FOXP2: variants seen among roughly 807,000 people sequenced by gnomAD.
FOXP2 encodes forkhead box P2.
Under a neutral mutation model 115.8 loss-of-function variants are expected in FOXP2, and 12 were observed. The observed-to-expected ratio is 0.10, with a 90% CI of 0.07 to 0.17. The LOEUF is 0.17. Among genes scored for constraint, FOXP2 ranks in the 10% least tolerant of loss-of-function variants. FOXP2 has a pLI of 1.00. For synonymous variants in FOXP2, 328 were observed against 297.7 expected (o/e 1.10, Z -1.05); for missense variants, 629 against 843.5 (o/e 0.75, Z 3.15).
At chr7:114,505,251 G>A (rs17137058) in intron 2 of FOXP2, among the ~76,000 whole-genome samples, 3,670 of 151,562 alleles carry the variant, frequency 0.024, 145 homozygotes, top group African/African-American at 0.083. Context: ...TAATGTAGGA[G>A]CACTCATTCT....
intron 1 of FOXP2, among the ~76,000 whole-genome samples, chr7:114,140,194 C>T (rs1792167047): frequency 6.6e-6 from 1 of 152,078 alleles, no homozygotes; most frequent in South Asian, 2.1e-4. Context: ...TTTCTTCCAC[C>T]TAGAAATAGT....
At chr7:114,445,504 T>C (rs1794794708) in intron 2 of FOXP2, among the ~76,000 whole-genome samples, 1 of 152,142 alleles carries the variant, frequency 6.6e-6, no homozygotes, top group Non-Finnish European at 1.5e-5. Flanking sequence ...GGATTTTATT[T>C]AAAATCAAAG....
At chr7:114,627,923 C>A (rs1446135559) in intron 3 of FOXP2, among the ~76,000 whole-genome samples, 1 of 151,818 alleles carries the variant, frequency 6.6e-6, no homozygotes, top group Non-Finnish European at 1.5e-5. Flanking sequence ...TGGATATACA[C>A]ACAGACACAC....
rs1371750320 is a variant in FOXP2 at position 114,570,691 on chromosome 7, G to A, written c.258+35985G>A. On this transcript the variant is annotated intron_variant, in intron 3 of 16. Transcript: ENST00000350908. ...ATGATGGAATATTCTTCCCTATTTT[G>A]ACCTACCAAGATAATAATTCCAAAA... The A allele has an allele frequency of 3.9e-6, 3 of 767,284 alleles. No individual in the cohort carries two copies. The African/African-American group carries it at 5.2e-5, about 13-fold the overall frequency. The allele number at this position is 767,284 out of a possible 1,614,324, so 47.5% of individuals were successfully genotyped here. A position where few individuals can be genotyped will look rare whatever the true frequency, so the allele number is the denominator to read the frequency against.
At chr7:114,349,373 G>A (rs760282966) in intron 2 of FOXP2, among the ~76,000 whole-genome samples, 6 of 152,012 alleles carry the variant, frequency 3.9e-5, no homozygotes, top group Non-Finnish European at 7.4e-5. Flanking sequence ...TTAGAGATGA[G>A]GAAGATGAGG....
chr7:114,180,978 C>A lies in FOXP2; in HGVS notation c.-102+17890C>A, dbSNP rs113059337. Among the ~76,000 whole-genome samples the A allele has an allele frequency of 9.6e-3, 1,456 of 151,924 alleles. 32 individuals carry two copies. The highest frequency in any genetic ancestry group is 0.033 in the African/African-American group (1,384 of 41,474). On this transcript the variant is annotated intron_variant, in intron 1 of 17. Transcript: ENST00000634411. ...AATTTTGCTGTTGTTTCCCTTTAAA[C>A]ATAGGGTAAAATCAAAATAACTCTT...
At chr7:114,245,041 C>T (rs1002438394) in intron 1 of FOXP2, among the ~76,000 whole-genome samples, 2 of 152,204 alleles carry the variant, frequency 1.3e-5, no homozygotes, top group African/African-American at 2.4e-5. Context: ...GGACCACAAG[C>T]GCGAGCCACC....
intron 3 of FOXP2, among the ~76,000 whole-genome samples, chr7:114,602,023 A>G (rs968897791): frequency 5.3e-5 from 8 of 152,076 alleles, no homozygotes; most frequent in Non-Finnish European, 1.2e-4. Flanking sequence ...TGTGTTGTTC[A>G]CAACTTCTGT....
At chr7:114,330,933 G>GACA (rs1797693204) in intron 2 of FOXP2, among the ~76,000 whole-genome samples, 1 of 152,128 alleles carries the variant, frequency 6.6e-6, no homozygotes, top group Non-Finnish European at 1.5e-5. Flanking sequence ...TATGAAATAT[G>GACA]AATTACCTAA....
At chr7:114,175,736 C>G (rs535246748) in intron 1 of FOXP2, among the ~76,000 whole-genome samples, 1 of 152,266 alleles carries the variant, frequency 6.6e-6, no homozygotes, top group East Asian at 1.9e-4. Flanking sequence ...TGCTGATCTG[C>G]TGATCTGGAC....
chr7:114,578,547 A>G (rs181238280), intron 3 of FOXP2, among the ~76,000 whole-genome samples: 17 of 152,222 alleles, frequency 1.1e-4, no homozygotes, highest in African/African-American at 3.1e-4. Flanking sequence ...GTCTTGACTC[A>G]TGGTTCATAT....
intron 1 of FOXP2, among the ~76,000 whole-genome samples, chr7:114,422,528 A>G (rs1793665661): frequency 6.6e-6 from 1 of 151,714 alleles, no homozygotes; most frequent in South Asian, 2.1e-4. Flanking sequence ...ATCTTTATAA[A>G]CATATATAGA....
chr7:114,517,727 G>A (rs764159466), intron 2 of FOXP2, among the ~76,000 whole-genome samples: 7 of 152,036 alleles, frequency 4.6e-5, no homozygotes, highest in Non-Finnish European at 1.0e-4. Context: ...CATTGCTATA[G>A]CTTCATAGTA....
In FOXP2 at chr7:114,691,264, A is replaced by G. The variant is rs1808654650; in HGVS notation, c.*1338A>G. Reference sequence around the variant, plus strand: ...TACTATTTTTTTATAGTCTTAAGTTATAATGAAAAAACAAAAAGTAGGAAC... The same window carrying G: ...TACTATTTTTTTATAGTCTTAAGTTGTAATGAAAAAACAAAAAGTAGGAAC... On this transcript the variant is annotated 3_prime_UTR_variant, in exon 17 of 17. Transcript: ENST00000350908. The G allele has an allele frequency of 8.9e-6, 4 of 451,752 alleles. No individual in the cohort carries two copies. The highest frequency in any genetic ancestry group is 4.7e-5 in the South Asian group (3 of 63,784). The allele number at this position is 451,752 out of a possible 1,614,324, so 28.0% of individuals were successfully genotyped here.
At chr7:114,299,639 T>C (rs1796829430) in intron 2 of FOXP2, among the ~76,000 whole-genome samples, 1 of 152,040 alleles carries the variant, frequency 6.6e-6, no homozygotes, top group African/African-American at 2.4e-5. Flanking sequence ...TTTAATATAT[T>C]TTGATTTAGA....
chr7:114,467,870 T>G (rs1795879906), intron 2 of FOXP2, among the ~76,000 whole-genome samples: 1 of 152,186 alleles, frequency 6.6e-6, no homozygotes, highest in African/African-American at 2.4e-5. Flanking sequence ...CTCTCTACTC[T>G]GGGTTTTCAG....
At chr7:114,144,312 TTAAAC>T (rs1449523935) in intron 1 of FOXP2, among the ~76,000 whole-genome samples, 14 of 152,172 alleles carry the variant, frequency 9.2e-5, no homozygotes, top group African/African-American at 3.4e-4. Flanking sequence ...TATTTACAAA[TTAAAC>T]TATATAGTTT....
At chr7:114,307,091 G>A (rs1398960024) in intron 2 of FOXP2, among the ~76,000 whole-genome samples, 3 of 152,036 alleles carry the variant, frequency 2.0e-5, no homozygotes, top group African/African-American at 7.2e-5. Context: ...GAACATCTTT[G>A]GGAAGCCATT....
chr7:114,140,947 T>G (rs1792191091), intron 1 of FOXP2, among the ~76,000 whole-genome samples: 1 of 152,192 alleles, frequency 6.6e-6, no homozygotes, highest in Non-Finnish European at 1.5e-5. Context: ...CTTTGCAAAG[T>G]ATTTGTGCTG....
Sources: gnomAD v4.1 joint callset for allele counts (sites outside exome capture counted in the v4.1 genomes callset) on GRCh38, gnomAD v4.1.1 for gene constraint, MANE v1.5 for transcripts, NCBI Gene and HGNC (gene_info 2026-07-23, HGNC 2026-07-21) for gene names.